The following LRP5 variants were observed in gnomAD, a reference collection of about 807,000 sequenced individuals.
The protein encoded by LRP5 is LDL receptor related protein 5, also known as low-density lipoprotein receptor-related protein 5.
A neutral mutation model predicts 154.1 loss-of-function variants in LRP5; 62 were observed. That is an observed-to-expected ratio of 0.40 (90% CI 0.33 to 0.50). LRP5 has a LOEUF of 0.50. LRP5 is among the 20% of genes least tolerant of loss of function. The pLI is 0.55. For missense variants in LRP5, 1,915 were observed against 2,336.7 expected, an observed-to-expected ratio of 0.82 and a Z score of 3.72; for synonymous variants, 966 against 1,011.5, an observed-to-expected ratio of 0.96 and a Z score of 0.85.
In LRP5 at chr11:68,366,625, G is replaced by C. The variant is rs556416451; in HGVS notation, c.1015+923G>C. Among the ~76,000 whole-genome samples the C allele has an allele frequency of 1.6e-4, 24 of 152,244 alleles. No homozygotes were observed. In the South Asian group the frequency reaches 4.4e-3, roughly 28 times the overall value. ...TCCTGCGTTTGGTGAGGATTTTCCA[G>C]GTTTGTATTTGTCTTTCTCTTTCTG... On this transcript the variant is annotated intron_variant, in intron 5 of 22. Coordinates refer to ENST00000294304, the MANE Select transcript of LRP5 (RefSeq NM_002335.4).
chr11:68,414,380 A>G (rs2098661353), intron 12 of LRP5, among the ~76,000 whole-genome samples: 1 of 152,138 alleles, frequency 6.6e-6, no homozygotes, highest in Admixed American at 6.5e-5. Flanking sequence ...GCATGGTCCC[A>G]TTTCACGTAC....
At chr11:68,336,669 G>A (rs987536204) in intron 1 of LRP5, among the ~76,000 whole-genome samples, 25 of 152,112 alleles carry the variant, frequency 1.6e-4, no homozygotes, top group Admixed American at 5.2e-4. Context: ...GAGTTTCACC[G>A]TGTTGGCGAG....
intron 9 of LRP5, among the ~76,000 whole-genome samples, chr11:68,409,061 A>AT (rs1224274198): frequency 2.1e-4 from 4 of 19,308 alleles, no homozygotes; most frequent in East Asian, 2.3e-3. Context: ...GAAAAAAAAA[A>AT]AAAAAAAAAA....
intron 13 of LRP5, among the ~76,000 whole-genome samples, chr11:68,417,611 C>T (rs1451443363): frequency 6.6e-6 from 1 of 151,418 alleles, no homozygotes; most frequent in Non-Finnish European, 1.5e-5. Context: ...CAGGCATGAG[C>T]CACCGCGGCC....
intron 11 of LRP5, chr11:68,412,934 C>G (rs1476461484): frequency 5.8e-6 from 1 of 173,708 alleles, no homozygotes; most frequent in Admixed American, 6.3e-5. Flanking sequence ...GCTGGGGCAT[C>G]GACCAGCTGA....
chr11:68,403,455 C>T, intron 7 of LRP5, 28 bp from the exon 8 acceptor site: 2 of 1,606,136 alleles, frequency 1.2e-6, no homozygotes, highest in Non-Finnish European at 1.7e-6. Flanking sequence ...CCTGGCCCAT[C>T]CAGACCTATA....
intron 8 of LRP5, chr11:68,404,472 C>T (rs1201652122): frequency 1.0e-5 from 5 of 492,934 alleles, no homozygotes; most frequent in South Asian, 4.6e-5. Context: ...GTCAGATCCC[C>T]GGCTTTAAAA....
rs531041730 is a variant in LRP5, at chr11:68,353,286, C to G, written c.489-4364C>G. Among the ~76,000 whole-genome samples the G allele has an allele frequency of 1.3e-5, 2 of 152,288 alleles. No homozygotes were observed. The highest frequency in any genetic ancestry group is 2.1e-4 in the South Asian group (1 of 4,826). ...TTAGTGTTGATTCCTGGGCCTCTCC[C>G]CACACCTTCCCTTTGCTCCAGTCAT... On this transcript the variant is annotated intron_variant, in intron 2 of 22. Coordinates refer to ENST00000294304, the MANE Select transcript of LRP5 (RefSeq NM_002335.4). The surrounding 1 kb of genome is among the most constrained non-coding windows in gnomAD (Gnocchi z 4.5).
intron 20 of LRP5, 99 bp downstream of exon 20, chr11:68,438,781 G>C: frequency 1.0e-6 from 1 of 994,894 alleles, no homozygotes; most frequent in Non-Finnish European, 1.5e-6. Context: ...AGGCCCTCTT[G>C]CACATGTGGC....
intron 18 of LRP5, among the ~76,000 whole-genome samples, chr11:68,435,521 C>G (rs1375548426): frequency 6.6e-6 from 1 of 150,714 alleles, no homozygotes; most frequent in African/African-American, 2.5e-5. Flanking sequence ...TTGCCCTCAC[C>G]TTGAGAGGAG....
chr11:68,416,064 AT>A lies in LRP5; in HGVS notation c.2828-263del, dbSNP rs796966537. Among the ~76,000 whole-genome samples the A allele has an allele frequency of 1.2e-4, 18 of 151,970 alleles. No individual in the cohort carries two copies. In the East Asian group the frequency reaches 2.7e-3, roughly 23 times the overall value. ...TGCGAGACTCCATCTCAAAAAAAAA[AT>A]AAATAAATAAAAGAAAAATAAATTT... is the stretch of plus-strand genomic sequence containing the variant. On this transcript the variant is annotated intron_variant, in intron 12 of 22. Transcript: ENST00000294304.
intron 10 of LRP5, among the ~76,000 whole-genome samples, chr11:68,410,844 T>C (rs2098659034): frequency 6.6e-6 from 1 of 152,164 alleles, no homozygotes; most frequent in South Asian, 2.1e-4. Flanking sequence ...GCCTGTCGCC[T>C]GTTCTGCTAG....
chr11:68,378,622 C>T (rs55993257), intron 5 of LRP5, among the ~76,000 whole-genome samples: 25,453 of 152,014 alleles, frequency 0.17, 2,167 homozygotes, highest in Non-Finnish European at 0.18. Context: ...TTTATACGTT[C>T]GCTGTAGCAA....
chr11:68,433,594 T>C lies in LRP5; in HGVS notation c.3764-8T>C. 1 of 1,609,354 alleles carries C rather than the reference T, an allele frequency of 6.2e-7. No individual in the cohort carries two copies. Among genetic ancestry groups the C allele is most frequent in the Non-Finnish European group, 8.5e-7 (1 of 1,176,562 alleles). On this transcript the variant is annotated splice_region_variant and splice_polypyrimidine_tract_variant and intron_variant, in intron 17 of 22. Transcript: ENST00000294304. ...TGCGTGTGATGTTCTCCTCTGTCCC[T>C]CCCCCAGAGCCGCCCACCTGCTCCC...
At chr11:68,300,532 C>A in the LRP5 span, among the ~76,000 whole-genome samples, 2 of 149,676 alleles carry the variant, frequency 1.3e-5, no homozygotes, top group Non-Finnish European at 3.0e-5. Context: ...TCAGGGGGCC[C>A]CACTTCTGCC....
chr11:68,322,208 A>G (rs1209575192), intron 1 of LRP5, among the ~76,000 whole-genome samples: 1 of 151,888 alleles, frequency 6.6e-6, no homozygotes, highest in African/African-American at 2.4e-5. Flanking sequence ...CCTCCTGAGC[A>G]CTGTAGACAC....
At chr11:68,408,542 ATATTGCCTTTAAG>A (rs2098657041) in intron 9 of LRP5, among the ~76,000 whole-genome samples, 1 of 152,174 alleles carries the variant, frequency 6.6e-6, no homozygotes, top group Non-Finnish European at 1.5e-5. Flanking sequence ...ACACCTCAGC[ATATTGCCTTTAAG>A]TCTTTTTTCT....
rs547456980 is a variant in LRP5, at chr11:68,438,490, G to A, written c.4156G>A (p.Ala1386Thr). 1.1e-4 allele frequency: 172 copies of A among 1,614,198 alleles called. 1 individual carries two copies. In the South Asian group the frequency reaches 1.8e-3, roughly 17 times the overall value. Residue 1386 changes from alanine to threonine, a missense_variant, in exon 20 of 23, where the codon GCC (alanine) becomes ACC (threonine). By Grantham distance (58) the Ala-to-Thr change is moderately conservative. Coordinates refer to ENST00000294304, the MANE Select transcript of LRP5 (RefSeq NM_002335.4). The part of the protein sequence containing the change: ...PSDDSPAHSS[A>T]IGPVIGIILS... ...AGACGACAGCCCGGCCCACAGCAGT[G>A]CCATCGGGCCCGTCATTGGCATCAT...
At chr11:68,332,704 A>AT (rs1191409487) in intron 1 of LRP5, among the ~76,000 whole-genome samples, 1 of 152,066 alleles carries the variant, frequency 6.6e-6, no homozygotes, top group Non-Finnish European at 1.5e-5. Context: ...GTGCGGTGGG[A>AT]TTCATGTAGA....
Sources: gnomAD v4.1 joint callset for allele counts (sites outside exome capture counted in the v4.1 genomes callset) on GRCh38, gnomAD v4.1.1 for gene constraint, Gnocchi (gnomAD v3.1) non-coding constraint, MANE v1.5 for transcripts, NCBI Gene and HGNC (gene_info 2026-07-23, HGNC 2026-07-21) for gene names.